Variants in IL1RAPL2 observed in about 807,000 individuals in gnomAD.
IL1RAPL2 encodes the protein interleukin 1 receptor accessory protein like 2.
IL1RAPL2 carries 3 observed loss-of-function variants against 44.1 expected under a neutral mutation model. That is an observed-to-expected ratio of 0.07 (90% confidence interval 0.03 to 0.18). The LOEUF (loss-of-function observed/expected upper bound fraction) is 0.18. Ranked by LOEUF, IL1RAPL2 falls within the 10% of genes least tolerant of loss-of-function variation. The pLI is 1.00. For missense variants in IL1RAPL2, 391 were observed against 496.4 expected, an observed-to-expected ratio of 0.79 and a Z score of 2.02; for synonymous variants, 181 against 178.8, an observed-to-expected ratio of 1.01 and a Z score of -0.10.
At chrX:105,041,045 T>C (rs1231795986) in intron 2 of IL1RAPL2, among the ~76,000 whole-genome samples, 1 of 101,231 alleles carries the variant, frequency 9.9e-6, no homozygotes, top group Non-Finnish European at 2.0e-5. Context: ...TACACACTGC[T>C]TTGAATGTGT....
At chrX:105,610,251 C>T (rs770678644) in intron 6 of IL1RAPL2, among the ~76,000 whole-genome samples, 1 of 111,997 alleles carries the variant, frequency 8.9e-6, no homozygotes, top group Non-Finnish European at 1.9e-5. Flanking sequence ...ACTTATTTTA[C>T]TGAGCCAGAG....
intron 2 of IL1RAPL2, among the ~76,000 whole-genome samples, chrX:104,864,463 G>T (rs1468433211): frequency 8.9e-6 from 1 of 112,285 alleles, no homozygotes; most frequent in Non-Finnish European, 1.9e-5. Flanking sequence ...TGGCATATTT[G>T]AGCACTTACT....
chrX:104,816,601 A>G (rs1041650789), intron 2 of IL1RAPL2, among the ~76,000 whole-genome samples: 1 of 112,102 alleles, frequency 8.9e-6, no homozygotes, highest in Non-Finnish European at 1.9e-5. Context: ...TTGCACAATA[A>G]ATGCTTAGTT....
At chrX:104,947,394 T>C in intron 2 of IL1RAPL2, among the ~76,000 whole-genome samples, 1 of 96,023 alleles carries the variant, frequency 1.0e-5, no homozygotes. Flanking sequence ...GTAGTTTCTT[T>C]TGCTGTGCAG....
intron 2 of IL1RAPL2, among the ~76,000 whole-genome samples, chrX:104,685,515 C>T (rs1227843020): frequency 9.0e-6 from 1 of 111,233 alleles, no homozygotes; most frequent in Non-Finnish European, 1.9e-5. Flanking sequence ...ACCTATGAAA[C>T]CCTGAGCACA....
intron 2 of IL1RAPL2, among the ~76,000 whole-genome samples, chrX:105,143,285 G>C (rs1431390880): frequency 5.4e-4 from 60 of 111,462 alleles, no homozygotes; most frequent in African/African-American, 1.9e-3. Flanking sequence ...GTGGGCAAAG[G>C]ATATGAACAG....
chrX:104,637,689 T>C (rs1437849058), intron 1 of IL1RAPL2, among the ~76,000 whole-genome samples: 1 of 111,207 alleles, frequency 9.0e-6, no homozygotes, highest in African/African-American at 3.3e-5. Flanking sequence ...ATTATCTTCT[T>C]GATGTGTTAT....
chrX:105,433,765 G>C (rs1168377702), intron 5 of IL1RAPL2, among the ~76,000 whole-genome samples: 1 of 111,048 alleles, frequency 9.0e-6, no homozygotes, highest in Admixed American at 9.6e-5. Context: ...GACTTAACCT[G>C]TTCATACTCA....
intron 2 of IL1RAPL2, among the ~76,000 whole-genome samples, chrX:105,029,673 C>G (rs1327131535): frequency 1.8e-5 from 2 of 109,801 alleles, no homozygotes; most frequent in Non-Finnish European, 3.8e-5. Context: ...TGGGTTGGTT[C>G]CAAGTCTTTG....
intron 2 of IL1RAPL2, among the ~76,000 whole-genome samples, chrX:104,693,494 C>T (rs1306693659): frequency 9.0e-6 from 1 of 111,710 alleles, no homozygotes; most frequent in Non-Finnish European, 1.9e-5. Flanking sequence ...AGGCACTTGT[C>T]AAGCACTGGC....
chrX:105,513,230 C>T (rs2036484795), intron 6 of IL1RAPL2, among the ~76,000 whole-genome samples: 3 of 111,636 alleles, frequency 2.7e-5, no homozygotes, highest in African/African-American at 6.5e-5. Flanking sequence ...AATAAACATA[C>T]GTGTGCATGT....
intron 5 of IL1RAPL2, among the ~76,000 whole-genome samples, chrX:105,348,635 A>G (rs2035129047): frequency 9.0e-6 from 1 of 111,655 alleles, no homozygotes; most frequent in Non-Finnish European, 1.9e-5. Context: ...TGCTCACTTC[A>G]CAGAGAGCCA....
At chrX:105,565,156 A>C (rs1360899378) in intron 6 of IL1RAPL2, among the ~76,000 whole-genome samples, 1 of 111,977 alleles carries the variant, frequency 8.9e-6, no homozygotes, top group Non-Finnish European at 1.9e-5. Context: ...GTGTTTGGAA[A>C]TTCACTAGGT....
chrX:105,505,431 T>C (rs1421767475), intron 6 of IL1RAPL2, among the ~76,000 whole-genome samples: 1 of 111,619 alleles, frequency 9.0e-6, no homozygotes, highest in Non-Finnish European at 1.9e-5. Context: ...ATCTATTACA[T>C]TGTGGATGAG....
At chrX:104,642,718 C>T (rs1384185480) in intron 1 of IL1RAPL2, among the ~76,000 whole-genome samples, 2 of 111,723 alleles carry the variant, frequency 1.8e-5, no homozygotes, top group Non-Finnish European at 1.9e-5. Context: ...AACTCCTGAT[C>T]TTGTGGTCTG....
At position 104,637,460 on chromosome X, in the gene IL1RAPL2, A is replaced by G. The variant is rs374191120; in HGVS notation, c.-19-21435A>G. Among the ~76,000 whole-genome samples, 195 of 110,578 alleles carry G rather than the reference A, an allele frequency of 1.8e-3. 1 individual carries two copies. The highest frequency in any genetic ancestry group is 6.1e-3 in the African/African-American group (187 of 30,446). On this transcript the variant is annotated intron_variant, in intron 1 of 10. Transcript: ENST00000372582. ...AATGTTAGCTGTGAACTTTTGATAT[A>G]TAGCCTTTATTATGTTGAGGTATGT...
At chrX:104,657,165 A>G (rs1048014730) in intron 1 of IL1RAPL2, among the ~76,000 whole-genome samples, 2 of 111,371 alleles carry the variant, frequency 1.8e-5, no homozygotes, top group Admixed American at 9.6e-5. Context: ...TGGAGCATTT[A>G]GTCCATTTAC....
chrX:105,311,635 CACACACATAT>C (rs1192398561), intron 5 of IL1RAPL2, among the ~76,000 whole-genome samples: 40 of 98,125 alleles, frequency 4.1e-4, no homozygotes, highest in Middle Eastern at 5.0e-3. Flanking sequence ...CACACACACA[CACACACATAT>C]ATATATATAT....
intron 5 of IL1RAPL2, among the ~76,000 whole-genome samples, chrX:105,477,071 C>CT (rs2036202330): frequency 8.9e-6 from 1 of 111,881 alleles, no homozygotes; most frequent in Admixed American, 9.5e-5. Flanking sequence ...ATGGCAGATG[C>CT]TTTTTTGCAG....
Sources: gnomAD v4.1 joint callset for allele counts (sites outside exome capture counted in the v4.1 genomes callset) on GRCh38, gnomAD v4.1.1 for gene constraint, MANE v1.5 for transcripts, NCBI Gene and HGNC (gene_info 2026-07-23, HGNC 2026-07-21) for gene names.